Variants in RAB4A observed in about 807,000 individuals in gnomAD.
The protein encoded by RAB4A is ras-related protein Rab-4A.
A neutral mutation model predicts 34.5 loss-of-function variants in RAB4A; 20 were observed. The ratio of observed to expected loss-of-function variants is 0.58; its 90% confidence interval spans 0.41 to 0.84. The LOEUF is 0.84. Ranked by LOEUF, RAB4A falls within the 40% of genes least tolerant of loss-of-function variation. The pLI is 0.00. For synonymous variants in RAB4A, 102 were observed against 100.0 expected, an observed-to-expected ratio of 1.02 and a Z score of -0.12; for missense variants, 228 against 274.5, an observed-to-expected ratio of 0.83 and a Z score of 1.20.
rs565323041 is a variant in RAB4A at position 229,271,995 on chromosome 1, G to A, written c.31+625G>A. Reference sequence around the variant, plus strand: ...TCTTGTCTCCTTCTTAAGACCGTAAGCACCTTGGAAGCAAAGCCCTGGCTG... The same window carrying A: ...TCTTGTCTCCTTCTTAAGACCGTAAACACCTTGGAAGCAAAGCCCTGGCTG... On this transcript the variant is annotated intron_variant, in intron 1 of 7. Transcript: ENST00000366690. 4.4e-4 allele frequency among the ~76,000 whole-genome samples: 67 copies of A among 152,244 alleles called. 1 individual carries two copies. The highest frequency in any genetic ancestry group is 1.5e-3 in the African/African-American group (62 of 41,544).
At chr1:229,277,479 A>G (rs888048163) in intron 1 of RAB4A, among the ~76,000 whole-genome samples, 1 of 151,016 alleles carries the variant, frequency 6.6e-6, no homozygotes, top group African/African-American at 2.5e-5. Flanking sequence ...CCACTGTTCA[A>G]TTCCTCCCTG....
In RAB4A at chr1:229,304,968, A is replaced by G; in HGVS notation, c.*1175A>G. The G allele has an allele frequency of 1.5e-6, 1 of 671,856 alleles. No homozygotes were observed. Among genetic ancestry groups the G allele is most frequent in the Non-Finnish European group, 2.2e-6 (1 of 459,570 alleles). 41.6% of individuals were successfully genotyped at this position (671,856 alleles called of 1,614,324 possible). Reference sequence around the variant, plus strand: ...CCTTTCTTTAAAGTTGAAATGCAGTATTATTTAAATCTGAAAGGTTAAAAA... The same window carrying G: ...CCTTTCTTTAAAGTTGAAATGCAGTGTTATTTAAATCTGAAAGGTTAAAAA... On this transcript the variant is annotated 3_prime_UTR_variant, in exon 8 of 8. Coordinates refer to ENST00000366690, the MANE Select transcript of RAB4A (RefSeq NM_004578.4).
At chr1:229,295,820 G>T (rs1157441898) in intron 3 of RAB4A, 28 bp from the exon 4 acceptor site, 2 of 1,613,128 alleles carry the variant, frequency 1.2e-6, no homozygotes, top group Non-Finnish European at 1.7e-6. Context: ...TCAATTGGTT[G>T]AAAGTAAAAC....
At chr1:229,280,029 CT>C (rs1219005562) in intron 1 of RAB4A, among the ~76,000 whole-genome samples, 58 of 152,284 alleles carry the variant, frequency 3.8e-4, no homozygotes, top group African/African-American at 1.4e-3. Flanking sequence ...CCTGTTAAGC[CT>C]TTCTGTAGTT....
Position 229,286,550 on chromosome 1 carries a change from G to A in RAB4A, c.96G>A (p.Gln32=). The A allele has an allele frequency of 6.4e-7, 1 of 1,569,236 alleles. No individual in the cohort carries two copies. Among genetic ancestry groups the A allele is most frequent in the Non-Finnish European group, 8.6e-7 (1 of 1,156,976 alleles). The change falls in exon 2 of 8, where the codon CAG becomes CAA. Residue 32 remains glutamine (Q), a synonymous_variant. Coordinates refer to ENST00000366690, the MANE Select transcript of RAB4A (RefSeq NM_004578.4). ...CTGGCAAATCTTGCTTACTTCATCA[G>A]TTTATTGAAAAAAAATGTAAGTGTC... is the stretch of plus-strand genomic sequence containing the variant. ...AGTGKSCLLH[Q]FIEKKFKDDS... is the part of the protein sequence containing the mutation.
chr1:229,291,970 A>G (rs1322890154), intron 3 of RAB4A, among the ~76,000 whole-genome samples: 6 of 151,070 alleles, frequency 4.0e-5, no homozygotes, highest in African/African-American at 9.7e-5. Context: ...CGCAAGAACA[A>G]AAAACCAAAC....
intron 1 of RAB4A, among the ~76,000 whole-genome samples, chr1:229,283,833 T>A (rs2102840372): frequency 6.6e-6 from 1 of 151,560 alleles, no homozygotes; most frequent in Non-Finnish European, 1.5e-5. Flanking sequence ...TTCAAGCAAT[T>A]CTCCTGCCTC....
At chr1:229,276,614 G>A (rs1571820766) in intron 1 of RAB4A, among the ~76,000 whole-genome samples, 1 of 151,096 alleles carries the variant, frequency 6.6e-6, no homozygotes, top group East Asian at 1.9e-4. Context: ...TCCTGTGTTT[G>A]CCTAGAAGAT....
At chr1:229,301,363 C>T (rs140792496) in intron 6 of RAB4A, among the ~76,000 whole-genome samples, 263 of 151,608 alleles carry the variant, frequency 1.7e-3, no homozygotes, top group Non-Finnish European at 1.5e-3. Flanking sequence ...GGAGGAGAGT[C>T]GGGCCCAGGT....
chr1:229,295,393 A>G (rs1657221275), intron 3 of RAB4A, among the ~76,000 whole-genome samples: 1 of 152,188 alleles, frequency 6.6e-6, no homozygotes, highest in Non-Finnish European at 1.5e-5. Context: ...AGGTGGGTGT[A>G]GGGCCGTGGT....
intron 3 of RAB4A, among the ~76,000 whole-genome samples, chr1:229,291,587 G>A (rs1657087086): frequency 6.6e-6 from 1 of 152,200 alleles, no homozygotes; most frequent in Non-Finnish European, 1.5e-5. Context: ...ATCCATGAGT[G>A]TAAGGGTTTT....
chr1:229,296,668 C>T (rs144802687), intron 4 of RAB4A, among the ~76,000 whole-genome samples: 2 of 151,934 alleles, frequency 1.3e-5, no homozygotes, highest in East Asian at 3.9e-4. Context: ...ATCTGGGGGC[C>T]CTTTCTGGGT....
intron 1 of RAB4A, among the ~76,000 whole-genome samples, chr1:229,283,916 A>C (rs1656848347): frequency 7.0e-6 from 1 of 142,566 alleles, no homozygotes; most frequent in African/African-American, 2.7e-5. Flanking sequence ...TATTATTTTT[A>C]ATAGAGACAT....
At chr1:229,289,081 G>C (rs930353149) in intron 3 of RAB4A, 5 of 434,778 alleles carry the variant, frequency 1.2e-5, no homozygotes, top group African/African-American at 6.2e-5. Context: ...TTATAATTCG[G>C]AGGCTGACCC....
chr1:229,277,291 G>A (rs925217813), intron 1 of RAB4A, among the ~76,000 whole-genome samples: 2 of 150,928 alleles, frequency 1.3e-5, no homozygotes, highest in Non-Finnish European at 2.9e-5. Context: ...TGCCGACAAC[G>A]TTTAATTCAG....
At chr1:229,276,679 GTTTCAGAGTC>G (rs1405359936) in intron 1 of RAB4A, among the ~76,000 whole-genome samples, 4 of 151,370 alleles carry the variant, frequency 2.6e-5, no homozygotes, top group African/African-American at 9.8e-5. Context: ...GATCTATTGG[GTTTCAGAGTC>G]TTTTGAGCTG....
chr1:229,291,167 A>G (rs1470104300), intron 3 of RAB4A, among the ~76,000 whole-genome samples: 1 of 152,238 alleles, frequency 6.6e-6, no homozygotes, highest in Non-Finnish European at 1.5e-5. Context: ...TAATTCTTCA[A>G]CCTAAAATTC....
Position 229,297,716 on chromosome 1 carries a change from A to G in RAB4A, c.445+80A>G. ...GCATTTCTTTGAATTTAAAACATATATTGGAATTTCAAGATTAAACTAGAT... is the reference window on the plus strand; with the variant it reads ...GCATTTCTTTGAATTTAAAACATATGTTGGAATTTCAAGATTAAACTAGAT... On this transcript the variant is annotated intron_variant, in intron 5 of 7. Coordinates refer to ENST00000366690, the MANE Select transcript of RAB4A (RefSeq NM_004578.4). 2.9e-6 allele frequency: 4 copies of G among 1,361,288 alleles called. No individual in the cohort carries two copies. In the Admixed American group the frequency reaches 1.0e-4, roughly 36 times the overall value. 84.3% of individuals were successfully genotyped at this position (1,361,288 alleles called of 1,614,324 possible).
intron 3 of RAB4A, among the ~76,000 whole-genome samples, chr1:229,290,515 GA>G (rs1274650675): frequency 6.6e-6 from 1 of 152,176 alleles, no homozygotes; most frequent in East Asian, 1.9e-4. Context: ...ATCTGAAAGT[GA>G]AACCCTCCAA....
Sources: gnomAD v4.1 joint callset for allele counts (sites outside exome capture counted in the v4.1 genomes callset) on GRCh38, gnomAD v4.1.1 for gene constraint, MANE v1.5 for transcripts, NCBI Gene and HGNC (gene_info 2026-07-23, HGNC 2026-07-21) for gene names.